Variants in USH2A observed in about 807,000 individuals in gnomAD.
The protein encoded by USH2A is usherin.
Under a neutral mutation model 538.9 loss-of-function variants are expected in USH2A, and 443 were observed. The observed-to-expected ratio is 0.82, with a 90% CI of 0.76 to 0.89. The LOEUF (loss-of-function observed/expected upper bound fraction) is 0.89. Ranked by LOEUF, USH2A falls within the 40% of genes least tolerant of loss-of-function variation. USH2A has a pLI of 0.00. For synonymous variants in USH2A, 2,413 were observed against 2,273.5 expected, an observed-to-expected ratio of 1.06 and a Z score of -1.75; for missense variants, 6,633 against 6,324.8, an observed-to-expected ratio of 1.05 and a Z score of -1.65.
chr1:215,781,565 C>T (rs2102762181), intron 54 of USH2A, among the ~76,000 whole-genome samples: 1 of 152,208 alleles, frequency 6.6e-6, no homozygotes, highest in South Asian at 2.1e-4. Context: ...TGCCTAAATT[C>T]AGGTCTTCAT....
At chr1:215,681,187 C>T (rs1174995898) in intron 61 of USH2A, among the ~76,000 whole-genome samples, 1 of 152,098 alleles carries the variant, frequency 6.6e-6, no homozygotes, top group Non-Finnish European at 1.5e-5. Context: ...TTTGGCATAA[C>T]TAAACTGGAG....
chr1:215,926,484 C>A (rs1461447701), intron 38 of USH2A, among the ~76,000 whole-genome samples: 1 of 151,960 alleles, frequency 6.6e-6, no homozygotes, highest in Non-Finnish European at 1.5e-5. Flanking sequence ...TAATGCTTAA[C>A]CTAAGAGAAG....
chr1:215,998,283 T>G (rs1668184370), intron 34 of USH2A, among the ~76,000 whole-genome samples: 1 of 152,082 alleles, frequency 6.6e-6, no homozygotes, highest in Non-Finnish European at 1.5e-5. Context: ...AATTCCACAG[T>G]AATATCAAGG....
chr1:215,924,607 AT>A (rs67230265), intron 38 of USH2A, among the ~76,000 whole-genome samples: 128,489 of 150,278 alleles, frequency 0.86, 54,935 homozygotes, highest in African/African-American at 0.87. Context: ...GACAGACATG[AT>A]TTTTTTTTTT....
At chr1:215,626,017 CTT>C (rs994207949) in intron 71 of USH2A, 147 bp from the exon 72 acceptor site, 2 of 756,878 alleles carry the variant, frequency 2.6e-6, no homozygotes, top group Admixed American at 4.4e-5. Flanking sequence ...TAAAACAGAC[CTT>C]GCCTTAAATT....
intron 32 of USH2A, among the ~76,000 whole-genome samples, chr1:216,032,117 C>T (rs1378045485): frequency 1.3e-5 from 2 of 152,134 alleles, no homozygotes; most frequent in Non-Finnish European, 2.9e-5. Context: ...TAAATAACTT[C>T]TAACCTCTGA....
At position 215,788,273 on chromosome 1, in the gene USH2A, G is replaced by A. The variant is rs138361814; in HGVS notation, c.10183-1399C>T. ...TTCCCTTTTCTCTCTGGGAACATGG[G>A]ATGTTGAAACCTGGCTGCAGTAGGA... On this transcript the variant is annotated intron_variant, in intron 51 of 71. Coordinates refer to ENST00000307340, the MANE Select transcript of USH2A (RefSeq NM_206933.4). Among the ~76,000 whole-genome samples, 553 of 152,222 alleles carry A rather than the reference G, an allele frequency of 3.6e-3. 3 individuals carry two copies. Among genetic ancestry groups the A allele is most frequent in the Non-Finnish European group, 4.3e-3 (295 of 68,026 alleles).
At chr1:216,053,746 G>A (rs1480240052) in intron 30 of USH2A, among the ~76,000 whole-genome samples, 1 of 152,130 alleles carries the variant, frequency 6.6e-6, no homozygotes, top group Non-Finnish European at 1.5e-5. Context: ...ACTGCTAAGC[G>A]ATAATGCATT....
chr1:215,752,980 C>A (rs1244907861), intron 58 of USH2A, among the ~76,000 whole-genome samples: 1 of 151,986 alleles, frequency 6.6e-6, no homozygotes, highest in African/African-American at 2.4e-5. Context: ...AACAAACAGC[C>A]CCATCAAAAA....
intron 34 of USH2A, among the ~76,000 whole-genome samples, chr1:215,993,844 AGAACTCTC>A (rs1330302904): frequency 6.6e-6 from 1 of 152,212 alleles, no homozygotes; most frequent in African/African-American, 2.4e-5. Context: ...ACATGATCAC[AGAACTCTC>A]TGTTCCCTAA....
At chr1:215,777,081 T>C (rs986469967) in intron 55 of USH2A, among the ~76,000 whole-genome samples, 2 of 152,168 alleles carry the variant, frequency 1.3e-5, no homozygotes, top group Non-Finnish European at 1.5e-5. Context: ...AACAGGGAGA[T>C]TGGTCAAAGG....
chr1:215,977,727 A>T (rs1485382740), intron 35 of USH2A, among the ~76,000 whole-genome samples: 1 of 152,058 alleles, frequency 6.6e-6, no homozygotes, highest in African/African-American at 2.4e-5. Flanking sequence ...TGGCCAGGCT[A>T]GTCTCGAACT....
chr1:216,327,034 G>A (rs1339506519), intron 5 of USH2A, among the ~76,000 whole-genome samples: 1 of 152,018 alleles, frequency 6.6e-6, no homozygotes, highest in Non-Finnish European at 1.5e-5. Context: ...TCAAGATAAG[G>A]AAATAATGTC....
chr1:216,125,057 T>C (rs976194141), intron 21 of USH2A, among the ~76,000 whole-genome samples: 3 of 152,210 alleles, frequency 2.0e-5, no homozygotes, highest in African/African-American at 7.2e-5. Flanking sequence ...AATCTATCAG[T>C]GATTCAATAT....
At chr1:216,239,340 C>G (rs564612138) in intron 13 of USH2A, among the ~76,000 whole-genome samples, 1 of 152,186 alleles carries the variant, frequency 6.6e-6, no homozygotes, top group East Asian at 1.9e-4. Context: ...CACCACAGAC[C>G]TTTGCTAGGC....
intron 9 of USH2A, among the ~76,000 whole-genome samples, chr1:216,310,607 A>G (rs932465363): frequency 4.6e-5 from 7 of 152,098 alleles, no homozygotes; most frequent in Admixed American, 2.0e-4. Flanking sequence ...CCTCTGCTCA[A>G]TCCATTCTGA....
chr1:216,368,339 G>A (rs2038638405), intron 3 of USH2A, among the ~76,000 whole-genome samples: 1 of 151,986 alleles, frequency 6.6e-6, no homozygotes, highest in Admixed American at 6.6e-5. Flanking sequence ...ATAGAATCGA[G>A]TCCACCTAGA....
intron 3 of USH2A, among the ~76,000 whole-genome samples, chr1:216,374,288 CA>C (rs34338688): frequency 0.014 from 2,107 of 146,420 alleles, 45 homozygotes; most frequent in African/African-American, 0.047. Context: ...AGTGCCGACC[CA>C]AAAAAAAAAA....
chr1:215,977,962 CA>C (rs1667662359), intron 35 of USH2A, among the ~76,000 whole-genome samples: 1 of 152,020 alleles, frequency 6.6e-6, no homozygotes, highest in African/African-American at 2.4e-5. Flanking sequence ...CCTGTCTCTA[CA>C]AAAAATGCAA....
Sources: allele counts gnomAD v4.1 joint callset (sites outside exome capture counted in the v4.1 genomes callset), GRCh38; gene constraint gnomAD v4.1.1; transcripts MANE v1.5; gene names NCBI Gene and HGNC (gene_info 2026-07-23, HGNC 2026-07-21).